The following CDH13 variants were observed in gnomAD, a reference collection of about 807,000 sequenced individuals.
The protein encoded by CDH13 is cadherin 13, also known as cadherin-13.
CDH13 carries 24 observed loss-of-function variants against 63.8 expected under a neutral mutation model. The ratio of observed to expected loss-of-function variants is 0.38; its 90% CI spans 0.27 to 0.53. The LOEUF is 0.53. Ranked by LOEUF, CDH13 falls within the 20% of genes least tolerant of loss-of-function variation. The probability of loss-of-function intolerance (pLI) is 0.85; values close to 1 mark genes in which losing one functional copy is unlikely to be tolerated. For synonymous variants in CDH13, 503 were observed against 355.3 expected (o/e 1.42, Z -4.67); for missense variants, 1,049 against 903.1 (o/e 1.16, Z -2.07).
chr16:82,951,555 G>A (rs1458588107), intron 2 of CDH13, among the ~76,000 whole-genome samples: 1 of 152,196 alleles, frequency 6.6e-6, no homozygotes, highest in Non-Finnish European at 1.5e-5. Flanking sequence ...ACCACGGCAT[G>A]AGCTCAGTCC....
intron 3 of CDH13, among the ~76,000 whole-genome samples, chr16:83,123,071 C>T (rs2035656005): frequency 6.6e-6 from 1 of 152,034 alleles, no homozygotes; most frequent in Non-Finnish European, 1.5e-5. Flanking sequence ...TGTCTTCCGG[C>T]TTCATCCATG....
intron 3 of CDH13, among the ~76,000 whole-genome samples, chr16:83,036,742 T>C (rs2151481626): frequency 6.6e-6 from 1 of 152,256 alleles, no homozygotes; most frequent in South Asian, 2.1e-4. Context: ...AGCCCTTTGG[T>C]TGGTGATCTT....
At chr16:83,151,910 C>T (rs192916223) in intron 4 of CDH13, among the ~76,000 whole-genome samples, 109 of 149,434 alleles carry the variant, frequency 7.3e-4, no homozygotes, top group Non-Finnish European at 1.3e-3. Flanking sequence ...TGCAGTGAGC[C>T]AAGATCGCGC....
chr16:83,065,395 T>A (rs886913651), intron 3 of CDH13, among the ~76,000 whole-genome samples: 13 of 152,088 alleles, frequency 8.5e-5, no homozygotes, highest in African/African-American at 2.9e-4. Context: ...TGCTGCTAAT[T>A]CAAAGAAACA....
intron 5 of CDH13, among the ~76,000 whole-genome samples, chr16:83,271,041 T>G (rs2088791038): frequency 6.6e-6 from 1 of 151,082 alleles, no homozygotes; most frequent in Non-Finnish European, 1.5e-5. Context: ...TATACAGCCA[T>G]GAACACCACC....
intron 3 of CDH13, among the ~76,000 whole-genome samples, chr16:83,091,201 C>A (rs1354330639): frequency 2.4e-4 from 36 of 151,956 alleles, no homozygotes. Flanking sequence ...TTCTTTCCTT[C>A]CTTTCTTTTC....
At chr16:82,950,197 C>G (rs561584313) in intron 2 of CDH13, among the ~76,000 whole-genome samples, 1 of 152,236 alleles carries the variant, frequency 6.6e-6, no homozygotes, top group Admixed American at 6.5e-5. Context: ...GTTCATGCCT[C>G]TCTCAGCTTC....
intron 1 of CDH13, among the ~76,000 whole-genome samples, chr16:82,654,257 T>C (rs1911052924): frequency 6.6e-6 from 1 of 152,198 alleles, no homozygotes; most frequent in Non-Finnish European, 1.5e-5. Context: ...ACAGTGTCTT[T>C]GGCTGACACT....
intron 7 of CDH13, among the ~76,000 whole-genome samples, chr16:83,586,209 G>C (rs1223721443): frequency 6.6e-6 from 1 of 152,216 alleles, no homozygotes; most frequent in Non-Finnish European, 1.5e-5. Flanking sequence ...CCTGGGGCTA[G>C]AACCACAAGG....
intron 1 of CDH13, among the ~76,000 whole-genome samples, chr16:82,743,152 T>C (rs1639162692): frequency 6.6e-6 from 1 of 152,206 alleles, no homozygotes; most frequent in African/African-American, 2.4e-5. Context: ...TGTAGAACAA[T>C]ACTTTTGTCT....
At chr16:83,405,673 T>G (rs1162158429) in intron 6 of CDH13, among the ~76,000 whole-genome samples, 2 of 152,250 alleles carry the variant, frequency 1.3e-5, no homozygotes, top group Non-Finnish European at 2.9e-5. Flanking sequence ...GGTAATATTT[T>G]AGCGAATATT....
chr16:83,737,233 A>G (rs1911623784), intron 10 of CDH13, among the ~76,000 whole-genome samples: 1 of 152,058 alleles, frequency 6.6e-6, no homozygotes, highest in Admixed American at 6.5e-5. Context: ...CTCAGACTTA[A>G]GTTATTAGTG....
At chr16:82,951,872 G>T (rs1160624759) in intron 2 of CDH13, among the ~76,000 whole-genome samples, 3 of 152,144 alleles carry the variant, frequency 2.0e-5, no homozygotes, top group African/African-American at 7.2e-5. Context: ...TTCTTTCCCA[G>T]GAGCCACAGA....
chr16:82,878,395 C>G (rs1339627555), intron 2 of CDH13, among the ~76,000 whole-genome samples: 1 of 151,450 alleles, frequency 6.6e-6, no homozygotes, highest in Non-Finnish European at 1.5e-5. Flanking sequence ...TCTAAGACAG[C>G]AAATGCCTCT....
intron 2 of CDH13, among the ~76,000 whole-genome samples, chr16:82,968,086 C>T (rs149526563): frequency 1.3e-5 from 2 of 152,178 alleles, no homozygotes; most frequent in African/African-American, 4.8e-5. Context: ...AAAGCTCCCC[C>T]CAACTTAAGA....
At chr16:82,697,681 G>A (rs1335577183) in intron 1 of CDH13, among the ~76,000 whole-genome samples, 1 of 151,588 alleles carries the variant, frequency 6.6e-6, no homozygotes, top group African/African-American at 2.4e-5. Flanking sequence ...ACCTGCCTCG[G>A]CCTCCTAAAG....
intron 7 of CDH13, among the ~76,000 whole-genome samples, chr16:83,499,407 G>A (rs754595435): frequency 5.9e-5 from 9 of 152,212 alleles, no homozygotes; most frequent in Non-Finnish European, 1.0e-4. Flanking sequence ...TGTCTGAGAT[G>A]ACCGTCTTCA....
At chr16:83,345,987 A>T (rs2090831369) in intron 6 of CDH13, among the ~76,000 whole-genome samples, 1 of 152,142 alleles carries the variant, frequency 6.6e-6, no homozygotes, top group South Asian at 2.1e-4. Flanking sequence ...AAATGTTGCC[A>T]TGGTAACCTT....
chr16:83,338,284 C>A (rs890202843), intron 5 of CDH13, among the ~76,000 whole-genome samples: 3 of 152,054 alleles, frequency 2.0e-5, no homozygotes, highest in African/African-American at 7.3e-5. Context: ...AGTCCACCAG[C>A]CTAGAGTCCA....
Sources: gnomAD v4.1 joint callset for allele counts (sites outside exome capture counted in the v4.1 genomes callset) on GRCh38, gnomAD v4.1.1 for gene constraint, MANE v1.5 for transcripts, NCBI Gene and HGNC (gene_info 2026-07-23, HGNC 2026-07-21) for gene names.